Variants in FRY observed in about 807,000 individuals in gnomAD.
FRY encodes protein furry homolog.
FRY carries 128 observed loss-of-function variants against 348.4 expected under a neutral mutation model. The ratio of observed to expected loss-of-function variants is 0.37; its 90% confidence interval spans 0.32 to 0.43. FRY has a LOEUF of 0.43. Ranked by LOEUF, FRY falls within the 20% of genes least tolerant of loss-of-function variation. FRY has a pLI of 1.00. For synonymous variants in FRY, 1,370 were observed against 1,374.7 expected (o/e 1.00, Z 0.08); for missense variants, 2,736 against 3,695.2 (o/e 0.74, Z 6.73).
chr13:32,210,838 A>G (rs1209405191), intron 33 of FRY, 28 bp from the exon 34 acceptor site: 1 of 1,605,638 alleles, frequency 6.2e-7, no homozygotes, highest in Non-Finnish European at 8.5e-7. Context: ...TCTGTGAAAC[A>G]TCCCTTGTTT....
intron 28 of FRY, among the ~76,000 whole-genome samples, chr13:32,193,165 C>T (rs1054955422): frequency 4.6e-5 from 7 of 150,808 alleles, no homozygotes; most frequent in African/African-American, 1.7e-4. Flanking sequence ...ATCATCGATT[C>T]AGCATCCTAT....
intron 3 of FRY, among the ~76,000 whole-genome samples, chr13:32,112,776 G>A (rs117641506): frequency 0.024 from 3,602 of 152,218 alleles, 60 homozygotes; most frequent in Non-Finnish European, 0.033. Context: ...GAAACACATG[G>A]TTAAACATAT....
intron 50 of FRY, among the ~76,000 whole-genome samples, chr13:32,253,154 T>C (rs571528831): frequency 1.3e-5 from 2 of 152,352 alleles, no homozygotes; most frequent in South Asian, 4.1e-4. Context: ...AGCCTTCAGC[T>C]GAGGAAATCA....
At chr13:32,273,037 C>T (rs1888284129) in intron 55 of FRY, among the ~76,000 whole-genome samples, 1 of 152,000 alleles carries the variant, frequency 6.6e-6, no homozygotes, top group African/African-American at 2.4e-5. Flanking sequence ...CTGACGCAGG[C>T]ACAGTGAATC....
rs1343141728 is a variant in FRY at position 32,255,571 on chromosome 13, C to G, written c.7416+1177C>G. On this transcript the variant is annotated intron_variant, in intron 51 of 60. Coordinates refer to ENST00000542859, the MANE Select transcript of FRY (RefSeq NM_023037.3). Reference sequence around the variant, plus strand: ...TTCTTTCCCTGGAAAACAAGTTGAGCAGATCCGGTCCGTAAGCAGTATAAA... The same window carrying G: ...TTCTTTCCCTGGAAAACAAGTTGAGGAGATCCGGTCCGTAAGCAGTATAAA... Among the ~76,000 whole-genome samples the G allele has an allele frequency of 2.6e-5, 4 of 152,278 alleles. No homozygotes were observed. In the South Asian group the frequency reaches 8.3e-4, roughly 32 times the overall value.
At chr13:32,063,679 C>T (rs1268242667) in intron 1 of FRY, among the ~76,000 whole-genome samples, 3 of 152,162 alleles carry the variant, frequency 2.0e-5, no homozygotes, top group East Asian at 1.9e-4. Flanking sequence ...GATCCAGTAA[C>T]GGGCCAGAAT....
intron 48 of FRY, 135 bp from the exon 49 acceptor site, chr13:32,249,391 G>A: frequency 3.5e-6 from 3 of 861,830 alleles, no homozygotes; most frequent in Non-Finnish European, 3.7e-6. Context: ...GAGAAAATGA[G>A]CCCACTTGTA....
At chr13:32,144,184 C>A in intron 11 of FRY, among the ~76,000 whole-genome samples, 1 of 149,552 alleles carries the variant, frequency 6.7e-6, no homozygotes. Flanking sequence ...CAAATTTTAC[C>A]TGTTATATTA....
rs1366444450 is a variant in FRY, at chr13:32,224,920, T to C, written c.4917-13T>C. 7 of 1,479,568 alleles carry C rather than the reference T, an allele frequency of 4.7e-6. No individual in the cohort carries two copies. The highest frequency in any genetic ancestry group is 5.7e-6 in the Non-Finnish European group (6 of 1,057,132). The allele number at this position is 1,479,568 out of a possible 1,614,324, so 91.7% of individuals were successfully genotyped here. A position where few individuals can be genotyped will look rare whatever the true frequency, so the allele number is the denominator to read the frequency against. On this transcript the variant is annotated splice_polypyrimidine_tract_variant and intron_variant, in intron 37 of 60. Transcript: ENST00000542859. ...TTCAGAAGTTGCATTAATTTCATTA[T>C]TTCATTGATTAGGTGCAATATTGCT...
chr13:32,202,138 G>A (rs1006968797), intron 30 of FRY, 98 bp downstream of exon 30: 3 of 853,820 alleles, frequency 3.5e-6, no homozygotes, highest in Non-Finnish European at 6.1e-6. Context: ...ATAGGCCTTT[G>A]TTTATTTCTG....
intron 1 of FRY, among the ~76,000 whole-genome samples, chr13:32,061,411 G>T (rs766006878): frequency 2.6e-5 from 4 of 152,168 alleles, no homozygotes; most frequent in Non-Finnish European, 4.4e-5. Context: ...AGGCAGCCAG[G>T]ATACAATGGA....
chr13:32,081,212 CAT>C (rs1875468441), intron 2 of FRY, among the ~76,000 whole-genome samples: 1 of 152,134 alleles, frequency 6.6e-6, no homozygotes, highest in African/African-American at 2.4e-5. Context: ...AAGTTCTTGT[CAT>C]AAGGAAATCT....
intron 1 of FRY, among the ~76,000 whole-genome samples, chr13:32,065,003 G>A (rs1874165623): frequency 6.6e-6 from 1 of 152,190 alleles, no homozygotes; most frequent in Non-Finnish European, 1.5e-5. Flanking sequence ...TATGCAGACA[G>A]TTCAGTTACT....
chr13:32,132,716 T>A (rs1879445999), intron 8 of FRY, among the ~76,000 whole-genome samples: 1 of 152,172 alleles, frequency 6.6e-6, no homozygotes, highest in Non-Finnish European at 1.5e-5. Context: ...AAAATATATG[T>A]CCACACAAAA....
At chr13:32,147,761 A>C in intron 12 of FRY, 78 bp from the exon 13 acceptor site, 1 of 831,356 alleles carries the variant, frequency 1.2e-6, no homozygotes, top group African/African-American at 1.7e-5. Flanking sequence ...AGATAAGATG[A>C]AATATCTGCC....
intron 2 of FRY, among the ~76,000 whole-genome samples, chr13:32,095,473 A>G (rs1401739791): frequency 2.7e-5 from 4 of 148,022 alleles, no homozygotes; most frequent in Non-Finnish European, 4.5e-5. Flanking sequence ...CAGCCTCCCA[A>G]GTGGCTGGGA....
intron 1 of FRY, among the ~76,000 whole-genome samples, chr13:32,073,275 C>T (rs902297181): frequency 2.0e-5 from 3 of 152,248 alleles, no homozygotes; most frequent in South Asian, 2.1e-4. Flanking sequence ...TCATCTCCAC[C>T]GGAATTGGCA....
intron 23 of FRY, among the ~76,000 whole-genome samples, chr13:32,182,138 G>T (rs934169620): frequency 6.6e-6 from 1 of 152,252 alleles, no homozygotes; most frequent in Non-Finnish European, 1.5e-5. Flanking sequence ...TCAAACTTGG[G>T]CATACTACAG....
At chr13:32,253,329 AC>A (rs1173306783) in intron 50 of FRY, among the ~76,000 whole-genome samples, 1 of 152,250 alleles carries the variant, frequency 6.6e-6, no homozygotes, top group Non-Finnish European at 1.5e-5. Context: ...AAAAAAGTAC[AC>A]TTGAAATCCA....
Sources: allele counts gnomAD v4.1 joint callset (sites outside exome capture counted in the v4.1 genomes callset), GRCh38; gene constraint gnomAD v4.1.1; transcripts MANE v1.5; gene names NCBI Gene and HGNC (gene_info 2026-07-23, HGNC 2026-07-21).